Variants in P3H2 observed in about 807,000 individuals in gnomAD.
The protein encoded by P3H2 is prolyl 3-hydroxylase 2, also known as leprecan-like 1.
In P3H2, 80 loss-of-function variants were observed where a neutral mutation model predicts 87.0. The observed-to-expected ratio is 0.92, with a 90% confidence interval of 0.77 to 1.11. P3H2 has a LOEUF of 1.11. Among genes scored for constraint, P3H2 ranks in the 50% least tolerant of loss-of-function variants. The probability of loss-of-function intolerance (pLI) is 0.00; values close to 1 mark genes in which losing one functional copy is unlikely to be tolerated. For missense variants in P3H2, 1,001 were observed against 923.9 expected (o/e 1.08, Z -1.08); for synonymous variants, 367 against 359.3 (o/e 1.02, Z -0.24).
Position 189,968,269 on chromosome 3 carries a change from C to T in P3H2, c.1893+2547G>A, listed in dbSNP as rs142592002. 4.9e-3 allele frequency among the ~76,000 whole-genome samples: 741 copies of T among 152,228 alleles called. 5 individuals carry two copies. The highest frequency in any genetic ancestry group is 0.017 in the African/African-American group (692 of 41,516). On this transcript the variant is annotated intron_variant, in intron 13 of 14. Coordinates refer to ENST00000319332, the MANE Select transcript of P3H2 (RefSeq NM_018192.4). ...CCTAATGTTATCCCCCTGACAGGCC[C>T]TGGTGTGTGATGTTACCCTCCGTGT...
At chr3:190,043,261 A>AG (rs1725699048) in intron 1 of P3H2, among the ~76,000 whole-genome samples, 1 of 152,216 alleles carries the variant, frequency 6.6e-6, no homozygotes, top group South Asian at 2.1e-4. Context: ...ATGAAAATTC[A>AG]GGCAGTTGTC....
chr3:190,040,311 G>A (rs1173753248), intron 1 of P3H2, among the ~76,000 whole-genome samples: 1 of 152,184 alleles, frequency 6.6e-6, no homozygotes, highest in Admixed American at 6.5e-5. Flanking sequence ...ATAAACCATT[G>A]TGGTACTCAT....
chr3:190,033,211 G>A (rs1238007971), intron 1 of P3H2, among the ~76,000 whole-genome samples: 3 of 152,212 alleles, frequency 2.0e-5, no homozygotes. Flanking sequence ...ACAGTCGCTT[G>A]CTCACCTGCC....
chr3:189,974,686 C>T lies in P3H2; in HGVS notation c.1325-1G>A, dbSNP rs1412337923. On this transcript the variant is annotated splice_acceptor_variant, in intron 8 of 14. Transcript: ENST00000319332. LOFTEE classifies it high-confidence loss of function. Reference sequence around the variant, plus strand: ...ATGTTCTCATAGAGTAGAGGACCACCTACAGGAACAGAGCACATTGTCTTC... The same window carrying T: ...ATGTTCTCATAGAGTAGAGGACCACTTACAGGAACAGAGCACATTGTCTTC... 4 of 1,614,188 alleles carry T rather than the reference C, an allele frequency of 2.5e-6. No individual in the cohort carries two copies. Among genetic ancestry groups the T allele is most frequent in the Non-Finnish European group, 3.4e-6 (4 of 1,180,028 alleles).
chr3:190,108,972 GGC>G (rs1711962241), intron 1 of P3H2, among the ~76,000 whole-genome samples: 1 of 152,128 alleles, frequency 6.6e-6, no homozygotes, highest in Non-Finnish European at 1.5e-5. Flanking sequence ...TGCTGTTCTG[GGC>G]TTCAGCAAGG....
intron 1 of P3H2, among the ~76,000 whole-genome samples, chr3:190,087,424 G>C (rs1727255608): frequency 6.6e-6 from 1 of 151,090 alleles, no homozygotes; most frequent in Admixed American, 6.6e-5. Context: ...GGCGCCTGTA[G>C]TCCCAGCTAC....
intron 1 of P3H2, among the ~76,000 whole-genome samples, chr3:190,036,272 A>G (rs1390508271): frequency 2.0e-5 from 3 of 152,180 alleles, no homozygotes; most frequent in South Asian, 2.1e-4. Flanking sequence ...CTCTTACCTA[A>G]TGATGCATTC....
rs1723971951 is a variant in P3H2, at chr3:189,994,258, T to C, written c.659A>G (p.His220Arg). 1.2e-6 allele frequency: 2 copies of C among 1,613,000 alleles called. No individual in the cohort carries two copies. Among genetic ancestry groups the C allele is most frequent in the African/African-American group, 1.3e-5 (1 of 74,880 alleles). ...CATCTCAAAGTCATCAGCCTCATAA[T>C]GTTTAACTCCTGCATTGTAACTCTC... Reference protein sequence around the residue: ...HMESYNAGVKHYEADDFEMAI... With the variant: ...HMESYNAGVKRYEADDFEMAI... Residue 220 changes from histidine to arginine, a missense_variant, in exon 3 of 15, where the codon CAT becomes CGT. Transcript: ENST00000319332.
intron 1 of P3H2, among the ~76,000 whole-genome samples, chr3:190,046,106 G>C (rs911972528): frequency 1.4e-5 from 2 of 138,252 alleles, no homozygotes; most frequent in African/African-American, 5.5e-5. Flanking sequence ...CTGGGCGACA[G>C]AGCAAGACTC....
chr3:190,024,739 A>G (rs1725038078), intron 1 of P3H2, among the ~76,000 whole-genome samples: 1 of 152,130 alleles, frequency 6.6e-6, no homozygotes, highest in Non-Finnish European at 1.5e-5. Flanking sequence ...AGAAAACTCT[A>G]TCGTCCCCAA....
intron 4 of P3H2, 115 bp from the exon 5 acceptor site, chr3:189,987,784 G>C: frequency 1.2e-3 from 1,350 of 1,086,368 alleles, no homozygotes; most frequent in Non-Finnish European, 1.7e-3. Flanking sequence ...TAAGAGGGAA[G>C]ATAAATTGAG....
intron 1 of P3H2, among the ~76,000 whole-genome samples, chr3:190,042,609 G>A (rs941737713): frequency 1.3e-5 from 2 of 151,994 alleles, no homozygotes; most frequent in Non-Finnish European, 1.5e-5. Flanking sequence ...ATCTTCCTTC[G>A]GAACAACCTT....
chr3:190,041,037 T>C (rs149780733), intron 1 of P3H2, among the ~76,000 whole-genome samples: 1,319 of 49,294 alleles, frequency 0.027, 44 homozygotes, highest in African/African-American at 0.044. Context: ...TATATATATA[T>C]ACACACACAC....
At chr3:189,982,618 A>G (rs1723570588) in intron 8 of P3H2, among the ~76,000 whole-genome samples, 1 of 152,150 alleles carries the variant, frequency 6.6e-6, no homozygotes, top group Non-Finnish European at 1.5e-5. Flanking sequence ...ATGTGCTTCA[A>G]GCATCTAAGG....
chr3:189,958,718 T>TTC (rs1722717406), intron 14 of P3H2, among the ~76,000 whole-genome samples: 1 of 147,938 alleles, frequency 6.8e-6, no homozygotes, highest in South Asian at 2.2e-4. Flanking sequence ...TTTTTTTTTT[T>TTC]TTGAGATGGA....
At chr3:190,033,697 A>C (rs555985429) in intron 1 of P3H2, among the ~76,000 whole-genome samples, 1 of 152,302 alleles carries the variant, frequency 6.6e-6, no homozygotes, top group South Asian at 2.1e-4. Context: ...TAAAAGTCCC[A>C]AAAGAAGTAA....
intron 1 of P3H2, among the ~76,000 whole-genome samples, chr3:190,031,145 A>C (rs190897373): frequency 6.6e-6 from 1 of 152,328 alleles, no homozygotes; most frequent in Admixed American, 6.5e-5. Flanking sequence ...ATGCTCTAAA[A>C]TAAACATAAA....
intron 1 of P3H2, among the ~76,000 whole-genome samples, chr3:190,093,415 G>C (rs1195207065): frequency 6.6e-6 from 1 of 152,204 alleles, no homozygotes; most frequent in East Asian, 1.9e-4. Context: ...GGAGAGAAAG[G>C]GAAAGAGGAA....
intron 9 of P3H2, 144 bp from the exon 10 acceptor site, chr3:189,974,148 T>C (rs538103509): frequency 4.8e-5 from 33 of 691,240 alleles, no homozygotes; most frequent in Non-Finnish European, 8.5e-5. Context: ...GGTATAACTA[T>C]TCTTTTAATT....
Sources: allele counts gnomAD v4.1 joint callset (sites outside exome capture counted in the v4.1 genomes callset), GRCh38; gene constraint gnomAD v4.1.1; transcripts MANE v1.5; gene names NCBI Gene and HGNC (gene_info 2026-07-23, HGNC 2026-07-21).